CPXM2: variants seen among roughly 807,000 people sequenced by gnomAD.
CPXM2 encodes the protein carboxypeptidase X, M14 family member 2.
A neutral mutation model predicts 86.1 loss-of-function variants in CPXM2; 66 were observed. That is an observed-to-expected ratio of 0.77 (90% CI 0.63 to 0.94). CPXM2 has a LOEUF of 0.94. Ranked by LOEUF, CPXM2 falls within the 40% of genes least tolerant of loss-of-function variation. The probability of loss-of-function intolerance (pLI) is 0.00; values close to 1 mark genes in which losing one functional copy is unlikely to be tolerated. For synonymous variants in CPXM2, 388 were observed against 400.2 expected (o/e 0.97, Z 0.36); for missense variants, 948 against 1,026.3 (o/e 0.92, Z 1.04).
chr10:123,807,666 T>C lies in CPXM2; in HGVS notation c.654-8467A>G, dbSNP rs761834399. 3.6e-4 allele frequency among the ~76,000 whole-genome samples: 55 copies of C among 152,256 alleles called. No individual in the cohort carries two copies. In the East Asian group the frequency reaches 7.9e-3, roughly 22 times the overall value. On this transcript the variant is annotated intron_variant, in intron 4 of 13. Transcript: ENST00000241305. Reference sequence around the variant, plus strand: ...GCAGAGGAAGTCTGCGTGGCTTAGATGGAAAAGGAGGAGGGGCAGGTTCGT... The same window carrying C: ...GCAGAGGAAGTCTGCGTGGCTTAGACGGAAAAGGAGGAGGGGCAGGTTCGT...
chr10:123,880,087 G>A, intron 2 of CPXM2, 124 bp downstream of exon 2: 1 of 631,946 alleles, frequency 1.6e-6, no homozygotes. Flanking sequence ...ATAGACAGCA[G>A]GCCCCAGGCA....
chr10:123,757,092 G>C, intron 12 of CPXM2, 121 bp downstream of exon 12: 5 of 903,288 alleles, frequency 5.5e-6, no homozygotes, highest in Non-Finnish European at 8.9e-6. Context: ...TCGCAGCACT[G>C]TGCTGGCCCA....
chr10:123,746,787 G>C lies in CPXM2; in HGVS notation c.2248C>G (p.Gln750Glu), dbSNP rs139450310. The C allele has an allele frequency of 1.2e-6, 2 of 1,614,066 alleles. No individual in the cohort carries two copies. Among genetic ancestry groups the C allele is most frequent in the Non-Finnish European group, 1.7e-6 (2 of 1,179,988 alleles). ...LPARRLKLRG[Q>E]KRRQRG The stretch of plus-strand genomic sequence containing the variant: ...GGTCACCCACGCTGTCGTCTCTTCT[G>C]CCCCCGCAGCTTCAGCCGCCTGGCT... Residue 750 changes from glutamine to glutamate, a missense_variant, in exon 14 of 14, where the codon CAG becomes GAG. Coordinates refer to ENST00000241305, the MANE Select transcript of CPXM2 (RefSeq NM_198148.3).
At chr10:123,909,494 C>T (rs1325727662) in intron 2 of CPXM2, among the ~76,000 whole-genome samples, 2 of 152,220 alleles carry the variant, frequency 1.3e-5, no homozygotes, top group South Asian at 2.1e-4. Context: ...AGCGGAAGCC[C>T]GGCCAGGCGC....
intron 2 of CPXM2, among the ~76,000 whole-genome samples, chr10:123,871,649 T>A (rs1201273783): frequency 1.3e-5 from 2 of 152,182 alleles, no homozygotes; most frequent in East Asian, 3.8e-4. Context: ...CTTCATGACC[T>A]TGGGGTGGGC....
chr10:123,836,449 C>T (rs76927841), intron 4 of CPXM2, among the ~76,000 whole-genome samples: 1 of 152,112 alleles, frequency 6.6e-6, no homozygotes, highest in Non-Finnish European at 1.5e-5. Context: ...GCCACCAGTG[C>T]CACAACGCCC....
chr10:123,798,748 T>C (rs1847389039), intron 5 of CPXM2, among the ~76,000 whole-genome samples: 1 of 152,174 alleles, frequency 6.6e-6, no homozygotes, highest in African/African-American at 2.4e-5. Flanking sequence ...CTGGAGCTAA[T>C]CATGGAACTA....
At chr10:123,906,034 C>T (rs1945436307) in intron 2 of CPXM2, among the ~76,000 whole-genome samples, 1 of 152,178 alleles carries the variant, frequency 6.6e-6, no homozygotes, top group Non-Finnish European at 1.5e-5. Flanking sequence ...GAAGTGGGGG[C>T]AGGTCATCCA....
chr10:123,770,960 A>G lies in CPXM2; in HGVS notation c.1058T>C (p.Leu353Pro). 6.2e-7 allele frequency: 1 copy of G among 1,614,186 alleles called. No individual in the cohort carries two copies. Among genetic ancestry groups the G allele is most frequent in the Non-Finnish European group, 8.5e-7 (1 of 1,179,994 alleles). The change falls in exon 8 of 14, where the codon CTG becomes CCG. Residue 353 changes from leucine to proline, a missense_variant. Physicochemically the swap from Leu to Pro is moderately conservative, Grantham distance 98 (BLOSUM62 -3). Transcript: ENST00000241305. The part of the protein sequence containing the change: ...NIGKSHQGLK[L>P]YAVEISDHPG... ...GTGATCTGAGATCTCCACAGCATAC[A>G]GCTTCAGGCCCTGGTGGCTTTTTCC...
chr10:123,758,469 A>T (rs569855228), intron 11 of CPXM2, among the ~76,000 whole-genome samples: 1 of 152,236 alleles, frequency 6.6e-6, no homozygotes, highest in East Asian at 1.9e-4. Context: ...CCTTACAAGG[A>T]CACTTCCCAC....
intron 2 of CPXM2, among the ~76,000 whole-genome samples, chr10:123,874,732 C>A (rs190544360): frequency 1.3e-5 from 2 of 152,246 alleles, no homozygotes; most frequent in Admixed American, 1.3e-4. Context: ...AACAAATTCC[C>A]CAAGAGCAAC....
At chr10:123,834,094 G>A (rs1163891654) in intron 4 of CPXM2, among the ~76,000 whole-genome samples, 1 of 152,174 alleles carries the variant, frequency 6.6e-6, no homozygotes, top group East Asian at 1.9e-4. Context: ...CGGTAGGTCT[G>A]GAATCCCAGT....
intron 4 of CPXM2, among the ~76,000 whole-genome samples, chr10:123,840,495 A>G (rs936063826): frequency 1.3e-5 from 2 of 152,264 alleles, no homozygotes; most frequent in Non-Finnish European, 2.9e-5. Context: ...ATGATATATG[A>G]TAATAGAAAA....
chr10:123,854,376 T>A (rs1172426169), intron 3 of CPXM2, among the ~76,000 whole-genome samples: 2 of 118,352 alleles, frequency 1.7e-5, no homozygotes, highest in African/African-American at 7.2e-5. Context: ...ATATATATAA[T>A]ATATATATAA....
chr10:123,859,529 T>C (rs1389681892), intron 3 of CPXM2, among the ~76,000 whole-genome samples: 1 of 152,198 alleles, frequency 6.6e-6, no homozygotes, highest in Non-Finnish European at 1.5e-5. Flanking sequence ...CAAACGACAC[T>C]GTCCTGTCTG....
intron 2 of CPXM2, among the ~76,000 whole-genome samples, chr10:123,918,491 A>AGTGCTCCCACCTCATATTTCCTGGC (rs1317673869): frequency 2.6e-5 from 4 of 152,184 alleles, no homozygotes; most frequent in Non-Finnish European, 5.9e-5. Flanking sequence ...AGTGTCCTGG[A>AGTGCTCCCACCTCATATTTCCTGGC]GTGCTCCCAC....
chr10:123,899,359 T>C (rs1432884474), intron 2 of CPXM2, among the ~76,000 whole-genome samples: 1 of 152,254 alleles, frequency 6.6e-6, no homozygotes, highest in Non-Finnish European at 1.5e-5. Context: ...AATCGACCTA[T>C]GTAATTTATC....
intron 4 of CPXM2, among the ~76,000 whole-genome samples, chr10:123,826,572 G>A (rs768756272): frequency 1.3e-5 from 2 of 152,008 alleles, no homozygotes; most frequent in Non-Finnish European, 1.5e-5. Flanking sequence ...ATAATAGGAT[G>A]TTAATAGTAT....
chr10:123,844,006 A>ACAGT (rs1210542003), intron 3 of CPXM2, among the ~76,000 whole-genome samples: 2 of 152,100 alleles, frequency 1.3e-5, no homozygotes, highest in Non-Finnish European at 2.9e-5. Context: ...AGCACACTGG[A>ACAGT]CAGTCAATTA....
Sources: allele counts gnomAD v4.1 joint callset (sites outside exome capture counted in the v4.1 genomes callset), GRCh38; gene constraint gnomAD v4.1.1; transcripts MANE v1.5; gene names NCBI Gene and HGNC (gene_info 2026-07-23, HGNC 2026-07-21).